The following ROS1 variants were observed in gnomAD, a reference collection of about 807,000 sequenced individuals.
The protein encoded by ROS1 is proto-oncogene tyrosine-protein kinase ROS.
Under a neutral mutation model 273.5 loss-of-function variants are expected in ROS1, and 263 were observed. The ratio of observed to expected loss-of-function variants is 0.96; its 90% CI spans 0.87 to 1.06. The LOEUF (loss-of-function observed/expected upper bound fraction) is 1.06, where lower values mean the gene tolerates loss of function less well. Among genes scored for constraint, ROS1 ranks in the 50% least tolerant of loss-of-function variants. The pLI is 0.00. For missense variants in ROS1, 2,833 were observed against 2,751.1 expected, an observed-to-expected ratio of 1.03 and a Z score of -0.67; for synonymous variants, 1,008 against 954.1, an observed-to-expected ratio of 1.06 and a Z score of -1.04.
Position 117,318,124 on chromosome 6 carries a change from A to G in ROS1, c.5987+64T>C, listed in dbSNP as rs373689088. 7.4e-5 allele frequency: 91 copies of G among 1,224,146 alleles called. No homozygotes were observed. In the Middle Eastern group the frequency reaches 9.4e-4, roughly 13 times the overall value. The allele number at this position is 1,224,146 out of a possible 1,614,324, so 75.8% of individuals were successfully genotyped here. A position where few individuals can be genotyped will look rare whatever the true frequency, so the allele number is the denominator to read the frequency against. ...GTTAAGTCATGTCATTTTGGGTGTT[A>G]AAAATAAGTCAAGCGGACTTAAAAC... is the stretch of plus-strand genomic sequence containing the variant. On this transcript the variant is annotated intron_variant, in intron 38 of 43. Transcript: ENST00000368507.
Position 117,379,097 on chromosome 6 carries a change from T to C in ROS1, c.2544A>G (p.Gln848=), listed in dbSNP as rs756278980. The C allele has an allele frequency of 8.7e-6, 14 of 1,613,222 alleles. No homozygotes were observed. The highest frequency in any genetic ancestry group is 2.7e-5 in the African/African-American group (2 of 74,896). The change falls in exon 18 of 44, where the codon CAA becomes CAG. Residue 848 remains glutamine (Q), a synonymous_variant. Coordinates refer to ENST00000368507, the MANE Select transcript of ROS1 (RefSeq NM_001378902.1). The part of the protein sequence containing the change: ...GLLYWLVQDS[Q]CIHLYTAVLR... ...GAACAGCTGTGTACAGGTGAATACATTGACTGTCTTGAACCAACCAATACA... is the reference window on the plus strand; with the variant it reads ...GAACAGCTGTGTACAGGTGAATACACTGACTGTCTTGAACCAACCAATACA...
intron 6 of ROS1, among the ~76,000 whole-genome samples, chr6:117,403,539 A>G (rs1774127587): frequency 6.6e-6 from 1 of 152,034 alleles, no homozygotes; most frequent in African/African-American, 2.4e-5. Context: ...TACACATAGT[A>G]TCTTGGGACT....
chr6:117,337,798 T>C (rs1212498377), intron 31 of ROS1, among the ~76,000 whole-genome samples: 1 of 152,102 alleles, frequency 6.6e-6, no homozygotes, highest in Non-Finnish European at 1.5e-5. Context: ...GATAAAGAAG[T>C]CCACAGTGAC....
chr6:117,337,308 A>T lies in ROS1; in HGVS notation c.5094T>A (p.Thr1698=), dbSNP rs768164485. The change falls in exon 32 of 44, where the codon ACT becomes ACA. Residue 1698 remains threonine, a synonymous_variant. Transcript: ENST00000368507. ...CATAAGCAGGACCTTGGCTGCATGAAGTTTTAACATGGTAAAACTCATTGT... is the reference window on the plus strand; with the variant it reads ...CATAAGCAGGACCTTGGCTGCATGATGTTTTAACATGGTAAAACTCATTGT... ...WKYNEFYHVK[T]SCSQGPAYVC... The T allele has an allele frequency of 6.2e-7, 1 of 1,611,024 alleles. No homozygotes were observed. Among genetic ancestry groups the T allele is most frequent in the South Asian group, 1.1e-5 (1 of 90,372 alleles).
intron 22 of ROS1, among the ~76,000 whole-genome samples, chr6:117,361,233 A>G (rs969843314): frequency 1.3e-5 from 2 of 151,996 alleles, no homozygotes; most frequent in Non-Finnish European, 2.9e-5. Context: ...GTAATAAATT[A>G]TTTCCATTTC....
intron 16 of ROS1, 63 bp downstream of exon 16, chr6:117,385,620 T>A: frequency 1.4e-6 from 2 of 1,416,836 alleles, no homozygotes; most frequent in Non-Finnish European, 1.9e-6. Flanking sequence ...GAAATTGGTG[T>A]GCAAGTCACT....
At chr6:117,315,984 G>GA (rs979931262) in intron 39 of ROS1, among the ~76,000 whole-genome samples, 5 of 152,136 alleles carry the variant, frequency 3.3e-5, no homozygotes, top group African/African-American at 4.8e-5. Flanking sequence ...ACTAGCCTGA[G>GA]AAAAAAACTT....
At chr6:117,384,729 C>T (rs1772423517) in intron 16 of ROS1, among the ~76,000 whole-genome samples, 1 of 152,164 alleles carries the variant, frequency 6.6e-6, no homozygotes. Flanking sequence ...CTCTGTGCCC[C>T]CATAGGCCAA....
intron 24 of ROS1, among the ~76,000 whole-genome samples, chr6:117,359,557 A>G (rs1485165759): frequency 6.6e-6 from 1 of 152,198 alleles, no homozygotes; most frequent in Non-Finnish European, 1.5e-5. Flanking sequence ...CAAAGCCTAT[A>G]AACTTTCACC....
chr6:117,291,188 C>G (rs1773811908), intron 43 of ROS1, among the ~76,000 whole-genome samples: 2 of 152,152 alleles, frequency 1.3e-5, no homozygotes, highest in South Asian at 4.1e-4. Flanking sequence ...AATAACAGAA[C>G]AGCAATTTCT....
At chr6:117,320,378 T>C (rs1250937915) in intron 36 of ROS1, among the ~76,000 whole-genome samples, 2 of 152,160 alleles carry the variant, frequency 1.3e-5, no homozygotes, top group Non-Finnish European at 2.9e-5. Context: ...AAAAAGCTAC[T>C]GCAAATTAGT....
intron 34 of ROS1, 97 bp downstream of exon 34, chr6:117,326,127 A>ATATATATATATG: frequency 2.9e-6 from 1 of 344,580 alleles, no homozygotes; most frequent in African/African-American, 2.6e-5. Context: ...ATATATATAT[A>ATATATATATATG]GTCACCATTA....
chr6:117,329,542 C>T (rs1776901099), intron 32 of ROS1, 96 bp from the exon 33 acceptor site: 1 of 667,780 alleles, frequency 1.5e-6, no homozygotes, highest in African/African-American at 1.8e-5. Flanking sequence ...GGAAAGACAA[C>T]ATTAAAGAAA....
intron 4 of ROS1, among the ~76,000 whole-genome samples, chr6:117,410,898 G>T (rs925322326): frequency 2.0e-5 from 3 of 152,068 alleles, no homozygotes; most frequent in Non-Finnish European, 4.4e-5. Context: ...TTTAGTATAC[G>T]TTTCGCATCC....
At position 117,425,635 on chromosome 6, in the gene ROS1, T is replaced by C. The variant is rs1229447233; in HGVS notation, c.22A>G (p.Ile8Val). ...GTTGCAAAATTGACAAGCTTCGGAA[T>C]AAGACAGTAAATGTTCTTCATCACT... MKNIYCL[I>V]PKLVNFATLG... Residue 8 changes from isoleucine to valine, a missense_variant, in exon 1 of 44, where the codon ATT becomes GTT. Coordinates refer to ENST00000368507, the MANE Select transcript of ROS1 (RefSeq NM_001378902.1). 1.2e-6 allele frequency: 2 copies of C among 1,611,942 alleles called. No homozygotes were observed.
intron 18 of ROS1, among the ~76,000 whole-genome samples, chr6:117,375,549 C>A (rs1362788462): frequency 6.6e-6 from 1 of 152,138 alleles, no homozygotes; most frequent in Non-Finnish European, 1.5e-5. Context: ...ATAGAACCTA[C>A]CTGCACATGT....
In ROS1 at chr6:117,341,507, G is replaced by A; in HGVS notation, c.4777C>T (p.His1593Tyr). The part of the protein sequence containing the change: ...ESVRYQLAIS[H>Y]LALIPETPLR... Reference sequence around the variant, plus strand: ...GGAGTTTCAGGAATTAGGGCCAGGTGTGAGATTGCCAACTGATAACGGACT... The same window carrying A: ...GGAGTTTCAGGAATTAGGGCCAGGTATGAGATTGCCAACTGATAACGGACT... The change falls in exon 30 of 44, where the codon CAC (histidine) becomes TAC (tyrosine). Residue 1593 changes from histidine to tyrosine, a missense_variant. Transcript: ENST00000368507. 3 of 1,613,846 alleles carry A rather than the reference G, an allele frequency of 1.9e-6. No homozygotes were observed. Among genetic ancestry groups the A allele is most frequent in the Non-Finnish European group, 2.5e-6 (3 of 1,179,798 alleles).
At chr6:117,408,297 T>C (rs1483363971) in intron 5 of ROS1, among the ~76,000 whole-genome samples, 8 of 151,620 alleles carry the variant, frequency 5.3e-5, no homozygotes, top group African/African-American at 1.5e-4. Context: ...TGGGAGAAAA[T>C]TTTTGCAATC....
intron 31 of ROS1, among the ~76,000 whole-genome samples, chr6:117,338,475 A>T (rs1382165140): frequency 6.6e-6 from 1 of 151,914 alleles, no homozygotes; most frequent in Non-Finnish European, 1.5e-5. Flanking sequence ...AGCTTAATGA[A>T]ACGGGTGCAT....
Sources: gnomAD v4.1 joint callset for allele counts (sites outside exome capture counted in the v4.1 genomes callset) on GRCh38, gnomAD v4.1.1 for gene constraint, MANE v1.5 for transcripts, NCBI Gene and HGNC (gene_info 2026-07-23, HGNC 2026-07-21) for gene names.